Variants in LIPE observed in about 807,000 individuals in gnomAD.
LIPE encodes lipase E, hormone sensitive type.
A neutral mutation model predicts 88.5 loss-of-function variants in LIPE; 66 were observed. The ratio of observed to expected loss-of-function variants is 0.75; its 90% CI spans 0.61 to 0.91. The LOEUF (loss-of-function observed/expected upper bound fraction) is 0.91, where lower values mean the gene tolerates loss of function less well. LIPE is among the 40% of genes least tolerant of loss of function. The probability of loss-of-function intolerance (pLI) is 0.00; values close to 1 mark genes in which losing one functional copy is unlikely to be tolerated. For missense variants in LIPE, 1,346 were observed against 1,434.7 expected (o/e 0.94, Z 1.00); for synonymous variants, 570 against 617.5 (o/e 0.92, Z 1.14).
chr19:42,424,395 T>C (rs1244245680), intron 1 of LIPE: 2 of 456,464 alleles, frequency 4.4e-6, no homozygotes, highest in Non-Finnish European at 8.8e-6. Flanking sequence ...CACAGCCAAC[T>C]GCTTCTGGAC....
intron 1 of LIPE, among the ~76,000 whole-genome samples, 163 bp from the exon 2 acceptor site, chr19:42,411,005 A>G (rs1252709314): frequency 2.0e-5 from 3 of 152,128 alleles, no homozygotes; most frequent in South Asian, 2.1e-4. Context: ...TCCCTTAGAC[A>G]TAAGAGGTCA....
chr19:42,420,072 G>A (rs2040567197), intron 1 of LIPE, among the ~76,000 whole-genome samples: 1 of 149,418 alleles, frequency 6.7e-6, no homozygotes. Flanking sequence ...TTTATGTGAA[G>A]TGACTCATGT....
chr19:42,407,180 G>T lies in LIPE; in HGVS notation c.2131C>A (p.Leu711Ile). The T allele has an allele frequency of 6.6e-7, 1 of 1,505,032 alleles. No homozygotes were observed. 93.2% of individuals were successfully genotyped at this position (1,505,032 alleles called of 1,614,324 possible). A position where few individuals can be genotyped will look rare whatever the true frequency, so the allele number is the denominator to read the frequency against. Residue 711 changes from leucine (L) to isoleucine (I), a missense_variant, in exon 6 of 10, where the codon CTC becomes ATC. By Grantham distance (5) the Leu-to-Ile change is conservative. Coordinates refer to ENST00000244289, the MANE Select transcript of LIPE (RefSeq NM_005357.4). This position sits in a 1 kb window ranked among gnomAD's most constrained non-coding sequence, Gnocchi z 5.8. ...AYCWAIKHCA[L>I]LGSTGERICL... is the part of the protein sequence containing the mutation. ...GTGGGGGCCTGAGGCTCACCAAGGAGGGCGCAGTGCTTGATGGCCCAGCAG... is the reference window on the plus strand; with the variant it reads ...GTGGGGGCCTGAGGCTCACCAAGGATGGCGCAGTGCTTGATGGCCCAGCAG...
Position 42,410,298 on chromosome 19 carries a change from G to T in LIPE, c.1419+9C>A. ...GTGGGCCCAGAGGGGCACGGGGCAG[G>T]GGGCTCACCTGGAAGCCCAGGCAGC... On this transcript the variant is annotated intron_variant, in intron 2 of 9. Coordinates refer to ENST00000244289, the MANE Select transcript of LIPE (RefSeq NM_005357.4). This position sits in a 1 kb window ranked among gnomAD's most constrained non-coding sequence, Gnocchi z 6.1. The T allele has an allele frequency of 6.4e-7, 1 of 1,557,606 alleles. No individual in the cohort carries two copies. The highest frequency in any genetic ancestry group is 8.7e-7 in the Non-Finnish European group (1 of 1,149,874).
rs757028603 is a variant in LIPE at position 42,407,390 on chromosome 19, G to T, written c.1921C>A (p.Pro641Thr). Residue 641 changes from proline (P) to threonine (T), a missense_variant, in exon 6 of 10, where the codon CCC becomes ACC. Pro to Thr is a conservative substitution (Grantham distance 38). Coordinates refer to ENST00000244289, the MANE Select transcript of LIPE (RefSeq NM_005357.4). The surrounding 1 kb of genome is among the most constrained non-coding windows in gnomAD (Gnocchi z 5.8). The part of the protein sequence containing the change: ...LELWPRPQQA[P>T]RSRSLIVHFH... Reference sequence around the variant, plus strand: ...TGCACTATCAGGGACCGCGAGCGGGGTGCCTGCTGGGGGCGCGGCCACAGC... The same window carrying T: ...TGCACTATCAGGGACCGCGAGCGGGTTGCCTGCTGGGGGCGCGGCCACAGC... 6 of 1,613,730 alleles carry T rather than the reference G, an allele frequency of 3.7e-6. No homozygotes were observed. Among genetic ancestry groups the T allele is most frequent in the Non-Finnish European group, 4.2e-6 (5 of 1,179,856 alleles).
intron 1 of LIPE, among the ~76,000 whole-genome samples, chr19:42,419,235 A>AC (rs1191989179): frequency 1.3e-5 from 2 of 152,140 alleles, no homozygotes; most frequent in Non-Finnish European, 2.9e-5. Context: ...CCAAGATCAC[A>AC]CCATTGCACT....
chr19:42,412,340 G>A (rs1414437138), intron 1 of LIPE: 8 of 985,716 alleles, frequency 8.1e-6, no homozygotes, highest in Non-Finnish European at 8.4e-6. Context: ...GGCCATTCCC[G>A]TCTCTCAGCT....
chr19:42,403,243 G>GTC (rs769451705), intron 8 of LIPE, among the ~76,000 whole-genome samples: 3 of 44,720 alleles, frequency 6.7e-5, no homozygotes, highest in African/African-American at 4.8e-4. Flanking sequence ...AGTGAAGGAT[G>GTC]TGTGTGTGTG....
In LIPE at chr19:42,402,897, CG is replaced by C. The variant is rs755107845; in HGVS notation, c.2676del (p.Glu893ArgfsTer36). On this transcript the variant is annotated frameshift_variant, in exon 9 of 10. Transcript: ENST00000244289. LOFTEE classifies it high-confidence loss of function. ...AGTGTCTCAGCTGACAGCGACATCT[CG>C]GGGGTGTCCGACGACGTCTCGGAGT... ...RGNSETSSDTPEMSLSAETLS... is the reference protein window; with the variant it reads ...RGNSETSSDTXEMSLSAETLS... 1.2e-6 allele frequency: 2 copies of C among 1,613,312 alleles called. No individual in the cohort carries two copies. The highest frequency in any genetic ancestry group is 1.1e-5 in the South Asian group (1 of 91,068).
Position 42,426,311 on chromosome 19 carries a change from T to C in LIPE, c.839A>G (p.His280Arg). The C allele has an allele frequency of 6.2e-7, 1 of 1,607,566 alleles. No individual in the cohort carries two copies. Reference protein sequence around the residue: ...VMSGYSGTSPHEKTSARNHRH... With the variant: ...VMSGYSGTSPREKTSARNHRH... ...GTGATTCCGAGCACTGGTTTTCTCA[T>C]GTGGCGACGTCCCACTGTATCCTGA... The change falls in exon 1 of 10, where the codon CAT (histidine) becomes CGT (arginine). Residue 280 changes from histidine to arginine, a missense_variant. His to Arg is a conservative substitution (Grantham distance 29, BLOSUM62 0). Transcript: ENST00000244289.
intron 1 of LIPE, among the ~76,000 whole-genome samples, chr19:42,411,995 G>A (rs1235511118): frequency 6.6e-6 from 1 of 152,256 alleles, no homozygotes. Context: ...TGCACTGCAA[G>A]TGGCAGAGCT....
At position 42,414,954 on chromosome 19, in the gene LIPE, G is replaced by A. The variant is rs940272019; in HGVS notation, c.884-4112C>T. Among the ~76,000 whole-genome samples, 1 of 152,142 alleles carries A rather than the reference G, an allele frequency of 6.6e-6. No individual in the cohort carries two copies. Among genetic ancestry groups the A allele is most frequent in the African/African-American group, 2.4e-5 (1 of 41,422 alleles). On this transcript the variant is annotated intron_variant, in intron 1 of 9. Coordinates refer to ENST00000244289, the MANE Select transcript of LIPE (RefSeq NM_005357.4). The surrounding 1 kb of genome is among the most constrained non-coding windows in gnomAD (Gnocchi z 4.6). ...CCCTAAGACATACAATATTGAGGCC[G>A]GGCACGGTGGCTAATGCCTGTAATC... is the stretch of plus-strand genomic sequence containing the variant.
intron 1 of LIPE, 65 bp downstream of exon 1, chr19:42,426,202 A>G (rs917695224): frequency 1.4e-6 from 2 of 1,456,272 alleles, no homozygotes; most frequent in African/African-American, 3.0e-5. Context: ...GTAAGTTTTT[A>G]GTATTTTTTA....
chr19:42,426,632 G>A lies in LIPE; in HGVS notation c.518C>T (p.Thr173Ile), dbSNP rs2040712850. 1.2e-6 allele frequency: 2 copies of A among 1,614,246 alleles called. No homozygotes were observed. The highest frequency in any genetic ancestry group is 8.5e-7 in the Non-Finnish European group (1 of 1,180,052). The change falls in exon 1 of 10, where the codon ACT becomes ATT. Residue 173 changes from threonine (T) to isoleucine (I), a missense_variant. Transcript: ENST00000244289. ...AGGTGTCTCTTGGGACGTAGATTCA[G>A]TCGGGGCAGATGGCTCCCTTTTGGC... The part of the protein sequence containing the change: ...PGAKREPSAP[T>I]ESTSQETPEQ...
intron 1 of LIPE, among the ~76,000 whole-genome samples, chr19:42,413,741 G>A (rs1238435522): frequency 2.6e-5 from 4 of 152,216 alleles, no homozygotes; most frequent in Non-Finnish European, 5.9e-5. Context: ...AGGGTCATTT[G>A]CTTGGCTGGA....
intron 8 of LIPE, among the ~76,000 whole-genome samples, chr19:42,404,429 C>A (rs923997845): frequency 6.6e-6 from 1 of 152,146 alleles, no homozygotes; most frequent in African/African-American, 2.4e-5. Context: ...TGGGGTTTCA[C>A]CATGTTGGTC....
At chr19:42,421,463 G>A (rs1327056149) in intron 1 of LIPE, among the ~76,000 whole-genome samples, 1 of 152,180 alleles carries the variant, frequency 6.6e-6, no homozygotes, top group Non-Finnish European at 1.5e-5. Flanking sequence ...TACAATCATA[G>A]TCTTATCTGA....
At chr19:42,405,117 C>T (rs1450163098) in intron 8 of LIPE, among the ~76,000 whole-genome samples, 1 of 152,196 alleles carries the variant, frequency 6.6e-6, no homozygotes, top group Non-Finnish European at 1.5e-5. Flanking sequence ...ATCTGCCCAC[C>T]TTGGCCTCCC....
intron 8 of LIPE, among the ~76,000 whole-genome samples, chr19:42,403,292 T>TGTGTGTGAGA (rs200935735): frequency 4.6e-5 from 6 of 129,094 alleles, no homozygotes; most frequent in South Asian, 2.6e-4. Context: ...TGTGTGTGTG[T>TGTGTGTGAGA]GACTGGGAAG....
Sources: allele counts gnomAD v4.1 joint callset (sites outside exome capture counted in the v4.1 genomes callset), GRCh38; gene constraint gnomAD v4.1.1; non-coding constraint Gnocchi (gnomAD v3.1); transcripts MANE v1.5; gene names NCBI Gene and HGNC (gene_info 2026-07-23, HGNC 2026-07-21).